KLHL1: variants seen among roughly 807,000 people sequenced by gnomAD.
The protein encoded by KLHL1 is kelch-like protein 1.
A neutral mutation model predicts 77.7 loss-of-function variants in KLHL1; 47 were observed. The ratio of observed to expected loss-of-function variants is 0.60; its 90% confidence interval spans 0.48 to 0.77. KLHL1 has a LOEUF of 0.77. KLHL1 is among the 30% of genes least tolerant of loss of function. The probability of loss-of-function intolerance (pLI) is 0.00; values close to 1 mark genes in which losing one functional copy is unlikely to be tolerated. For missense variants in KLHL1, 925 were observed against 910.8 expected, an observed-to-expected ratio of 1.02 and a Z score of -0.20; for synonymous variants, 360 against 325.2, an observed-to-expected ratio of 1.11 and a Z score of -1.15.
intron 3 of KLHL1, among the ~76,000 whole-genome samples, chr13:69,947,406 C>T (rs1883566521): frequency 6.6e-6 from 1 of 151,838 alleles, no homozygotes; most frequent in Non-Finnish European, 1.5e-5. Context: ...AAAAAAGATC[C>T]AGAGGCAGTA....
At chr13:70,008,647 T>G (rs1411042312) in intron 1 of KLHL1, among the ~76,000 whole-genome samples, 1 of 152,118 alleles carries the variant, frequency 6.6e-6, no homozygotes, top group Non-Finnish European at 1.5e-5. Context: ...CCCACAATTA[T>G]TCTCCTCACA....
rs1593768063 is a variant in KLHL1 at position 69,716,696 on chromosome 13, A to G, written c.2015+2673T>C. ...AGCAGTGGGACTGATGCCTTTGAGC[A>G]TATTTTCTGATCTGTTGCCTAGATT... On this transcript the variant is annotated intron_variant, in intron 9 of 10. Coordinates refer to ENST00000377844, the MANE Select transcript of KLHL1 (RefSeq NM_020866.3). Among the ~76,000 whole-genome samples, 4 of 152,280 alleles carry G rather than the reference A, an allele frequency of 2.6e-5. No homozygotes were observed. In the South Asian group the frequency reaches 8.3e-4, roughly 32 times the overall value.
chr13:70,085,303 A>T (rs1354604162), intron 1 of KLHL1, among the ~76,000 whole-genome samples: 1 of 152,214 alleles, frequency 6.6e-6, no homozygotes, highest in African/African-American at 2.4e-5. Context: ...GCAGTTGAAC[A>T]TCATTTTTAT....
In KLHL1 at chr13:69,776,523, CTAAATTATATTT is replaced by C. The variant is rs1244758263; in HGVS notation, c.1639+20203_1639+20214del. On this transcript the variant is annotated intron_variant, in intron 7 of 10. Transcript: ENST00000377844. The stretch of plus-strand genomic sequence containing the variant: ...CCTCTAGGTTTTAATATCTATCATT[CTAAATTATATTT>C]TTGTTTGATTGCTTTAGCATTCCAT... Among the ~76,000 whole-genome samples the C allele has an allele frequency of 3.3e-5, 5 of 152,108 alleles. No individual in the cohort carries two copies. The South Asian group carries it at 1.0e-3, about 31-fold the overall frequency.
chr13:70,064,459 T>G (rs1463768681), intron 1 of KLHL1, among the ~76,000 whole-genome samples: 1 of 152,172 alleles, frequency 6.6e-6, no homozygotes, highest in Non-Finnish European at 1.5e-5. Flanking sequence ...TTCTGTAGTG[T>G]GTTTTATGTT....
chr13:69,784,327 C>A (rs1488799107), intron 7 of KLHL1, among the ~76,000 whole-genome samples: 5 of 151,396 alleles, frequency 3.3e-5, no homozygotes, highest in Non-Finnish European at 5.9e-5. Flanking sequence ...CAAACTCACA[C>A]ATAACAATGT....
In KLHL1 at chr13:69,961,311, T is replaced by A; in HGVS notation, c.814A>T (p.Thr272Ser). ...TGTTATAATTATTTTGCCATACCTGTATATGCAAATTGGACAAGGTCCCAG... is the reference window on the plus strand; with the variant it reads ...TGTTATAATTATTTTGCCATACCTGAATATGCAAATTGGACAAGGTCCCAG... Reference protein sequence around the residue: ...ALWDLVQFAYTGCLELKEDTI... With the variant: ...ALWDLVQFAYSGCLELKEDTI... The change falls in exon 3 of 11, where the codon ACA becomes TCA. Residue 272 changes from threonine (T) to serine (S), a missense_variant. Transcript: ENST00000377844. The A allele has an allele frequency of 6.2e-7, 1 of 1,611,156 alleles. No homozygotes were observed.
intron 7 of KLHL1, among the ~76,000 whole-genome samples, chr13:69,741,663 C>T (rs1172646256): frequency 6.6e-6 from 1 of 152,120 alleles, no homozygotes; most frequent in African/African-American, 2.4e-5. Context: ...TGTCCTGTGT[C>T]TAGAGCCCTG....
At chr13:69,892,464 G>A (rs766521128) in intron 4 of KLHL1, among the ~76,000 whole-genome samples, 14 of 152,148 alleles carry the variant, frequency 9.2e-5, no homozygotes, top group Non-Finnish European at 2.1e-4. Flanking sequence ...TAGCCTCTCT[G>A]CTTTTCCTGC....
rs556196657 is a variant in KLHL1 at position 69,837,170 on chromosome 13, C to T, written c.1414+1806G>A. On this transcript the variant is annotated intron_variant, in intron 6 of 10. Transcript: ENST00000377844. Reference sequence around the variant, plus strand: ...AAAGAAATTAGCTTATACCTCACAACGGCTTTTCTTTCCCACCCACTAATT... The same window carrying T: ...AAAGAAATTAGCTTATACCTCACAATGGCTTTTCTTTCCCACCCACTAATT... 2.5e-4 allele frequency among the ~76,000 whole-genome samples: 38 copies of T among 151,852 alleles called. No homozygotes were observed. In the East Asian group the frequency reaches 3.9e-3, roughly 16 times the overall value.
chr13:69,824,610 C>A lies in KLHL1; in HGVS notation c.1414+14366G>T, dbSNP rs548943927. On this transcript the variant is annotated intron_variant, in intron 6 of 10. Transcript: ENST00000377844. Reference sequence around the variant, plus strand: ...GGATATGCACAACATAAATGAATTCCAAAAATAATATGCTAATTGAAAAAA... The same window carrying A: ...GGATATGCACAACATAAATGAATTCAAAAAATAATATGCTAATTGAAAAAA... Among the ~76,000 whole-genome samples the A allele has an allele frequency of 1.3e-3, 190 of 151,728 alleles. 2 individuals carry two copies. Among genetic ancestry groups the A allele is most frequent in the African/African-American group, 4.3e-3 (177 of 41,426 alleles).
At chr13:69,915,092 A>G (rs1393748977) in intron 4 of KLHL1, among the ~76,000 whole-genome samples, 1 of 152,210 alleles carries the variant, frequency 6.6e-6, no homozygotes, top group African/African-American at 2.4e-5. Flanking sequence ...GAAATAAAAG[A>G]GGATACAAAC....
At chr13:69,873,251 G>A (rs1476107922) in intron 5 of KLHL1, among the ~76,000 whole-genome samples, 1 of 152,040 alleles carries the variant, frequency 6.6e-6, no homozygotes, top group East Asian at 1.9e-4. Flanking sequence ...AGTAACATCT[G>A]CAAACACATA....
At chr13:69,785,129 T>G (rs7987365) in intron 7 of KLHL1, among the ~76,000 whole-genome samples, 3,482 of 151,894 alleles carry the variant, frequency 0.023, 127 homozygotes, top group African/African-American at 0.08. Context: ...CCTGACCTCG[T>G]GATCCGCCCG....
chr13:69,922,722 A>T (rs545369575), intron 4 of KLHL1, among the ~76,000 whole-genome samples: 1 of 152,326 alleles, frequency 6.6e-6, no homozygotes, highest in East Asian at 1.9e-4. Context: ...CAAAGAACAA[A>T]TTTACAGAAA....
At chr13:70,078,627 GTC>G (rs1176500562) in intron 1 of KLHL1, among the ~76,000 whole-genome samples, 8 of 152,090 alleles carry the variant, frequency 5.3e-5, no homozygotes, top group African/African-American at 1.9e-4. Flanking sequence ...ACATTTGAGA[GTC>G]TTAGCCTCTT....
At chr13:69,827,729 CAAAAAA>C (rs58504097) in intron 6 of KLHL1, among the ~76,000 whole-genome samples, 2 of 73,034 alleles carry the variant, frequency 2.7e-5, no homozygotes, top group East Asian at 1.1e-3. Context: ...GACCCTGTCT[CAAAAAA>C]AAAAAAAAAA....
chr13:69,776,157 GA>G (rs144965631), intron 7 of KLHL1, among the ~76,000 whole-genome samples: 1 of 149,358 alleles, frequency 6.7e-6, no homozygotes, highest in Admixed American at 6.7e-5. Flanking sequence ...CTCCGTCTCG[GA>G]AAAAAAAATA....
chr13:69,968,826 C>A (rs1238276334), intron 2 of KLHL1, among the ~76,000 whole-genome samples: 1 of 151,934 alleles, frequency 6.6e-6, no homozygotes, highest in African/African-American at 2.4e-5. Flanking sequence ...CATTGTTGGA[C>A]ATTTGAAACC....
Sources: allele counts gnomAD v4.1 joint callset (sites outside exome capture counted in the v4.1 genomes callset), GRCh38; gene constraint gnomAD v4.1.1; transcripts MANE v1.5; gene names NCBI Gene and HGNC (gene_info 2026-07-23, HGNC 2026-07-21).